Variants in ARHGAP42 observed in about 807,000 individuals in gnomAD.
ARHGAP42 encodes Rho GTPase activating protein 42.
Under a neutral mutation model 125.0 loss-of-function variants are expected in ARHGAP42, and 63 were observed. The observed-to-expected ratio is 0.50, with a 90% CI of 0.41 to 0.62. The LOEUF (loss-of-function observed/expected upper bound fraction) is 0.62. Among genes scored for constraint, ARHGAP42 ranks in the 20% least tolerant of loss-of-function variants. The pLI is 0.00. For synonymous variants in ARHGAP42, 339 were observed against 351.0 expected, an observed-to-expected ratio of 0.97 and a Z score of 0.38; for missense variants, 766 against 1,024.2, an observed-to-expected ratio of 0.75 and a Z score of 3.44.
chr11:100,923,216 C>A (rs986105521), intron 6 of ARHGAP42, among the ~76,000 whole-genome samples: 12 of 152,184 alleles, frequency 7.9e-5, no homozygotes, highest in African/African-American at 2.7e-4. Flanking sequence ...AGCCTCGCTT[C>A]TTGCTAGCAA....
intron 3 of ARHGAP42, among the ~76,000 whole-genome samples, chr11:100,804,620 A>G (rs1863946374): frequency 6.6e-6 from 1 of 151,224 alleles, no homozygotes; most frequent in African/African-American, 2.4e-5. Flanking sequence ...TCTAGGCTCA[A>G]TGCAACCTCA....
intron 1 of ARHGAP42, among the ~76,000 whole-genome samples, chr11:100,725,892 G>A (rs1275910940): frequency 7.1e-6 from 1 of 141,512 alleles, no homozygotes; most frequent in Non-Finnish European, 1.5e-5. Flanking sequence ...CCGAGATCGC[G>A]CCACTGATCT....
chr11:100,738,915 C>T (rs1220781790), intron 1 of ARHGAP42, among the ~76,000 whole-genome samples: 2 of 152,176 alleles, frequency 1.3e-5, no homozygotes, highest in African/African-American at 4.8e-5. Context: ...AGCATTCAAG[C>T]ACAGAAGCAA....
chr11:100,725,511 G>C (rs541896384), intron 1 of ARHGAP42, among the ~76,000 whole-genome samples: 3 of 151,908 alleles, frequency 2.0e-5, no homozygotes, highest in Non-Finnish European at 4.4e-5. Context: ...TAAGAATTAC[G>C]GCTAGGCATG....
At chr11:100,891,898 C>G (rs984423323) in intron 4 of ARHGAP42, among the ~76,000 whole-genome samples, 1 of 152,128 alleles carries the variant, frequency 6.6e-6, no homozygotes, top group African/African-American at 2.4e-5. Context: ...AAAGATGATA[C>G]TTGAGGCAGG....
intron 2 of ARHGAP42, among the ~76,000 whole-genome samples, chr11:100,792,590 C>G (rs1863590514): frequency 6.6e-6 from 1 of 152,180 alleles, no homozygotes; most frequent in African/African-American, 2.4e-5. Flanking sequence ...TGCCTTTCTC[C>G]TGTTCTCTCG....
At chr11:100,977,093 G>A in intron 21 of ARHGAP42, 122 bp downstream of exon 21, 1 of 1,150,776 alleles carries the variant, frequency 8.7e-7, no homozygotes, top group Non-Finnish European at 1.2e-6. Context: ...TCTGTAGAGT[G>A]GGTACAGTCC....
chr11:100,843,459 C>A (rs1739407542), intron 3 of ARHGAP42, among the ~76,000 whole-genome samples: 2 of 152,028 alleles, frequency 1.3e-5, no homozygotes, highest in African/African-American at 2.4e-5. Context: ...CCAGAGCAAT[C>A]ATTCAAGAGA....
rs1450120054 is a variant in ARHGAP42, at chr11:100,988,824, T to A, written c.*23T>A. The A allele has an allele frequency of 6.8e-7, 1 of 1,468,654 alleles. No individual in the cohort carries two copies. Among genetic ancestry groups the A allele is most frequent in the East Asian group, 2.5e-5 (1 of 40,434 alleles). The allele number at this position is 1,468,654 out of a possible 1,614,324, so 91.0% of individuals were successfully genotyped here. A position where few individuals can be genotyped will look rare whatever the true frequency, so the allele number is the denominator to read the frequency against. On this transcript the variant is annotated 3_prime_UTR_variant, in exon 24 of 24. Transcript: ENST00000298815. ...TAATACTATTTAGTGGATGGCAGTA[T>A]CTTCATGGTATCCATGGTAACGAAT...
intron 3 of ARHGAP42, among the ~76,000 whole-genome samples, chr11:100,799,365 C>T (rs11224459): frequency 0.16 from 24,699 of 152,140 alleles, 2,147 homozygotes; most frequent in Middle Eastern, 0.22. Context: ...GGGAGACTGA[C>T]GTTTTCTGGT....
intron 3 of ARHGAP42, among the ~76,000 whole-genome samples, chr11:100,836,026 A>G (rs1864779567): frequency 6.6e-6 from 1 of 152,072 alleles, no homozygotes; most frequent in African/African-American, 2.4e-5. Flanking sequence ...CAAAATCAAG[A>G]CAAAAATAGC....
intron 1 of ARHGAP42, among the ~76,000 whole-genome samples, chr11:100,688,459 G>C (rs924199652): frequency 6.6e-6 from 1 of 152,152 alleles, no homozygotes; most frequent in Non-Finnish European, 1.5e-5. Context: ...TGAAAGTTAA[G>C]GGGTTAAAGG....
intron 1 of ARHGAP42, among the ~76,000 whole-genome samples, chr11:100,691,412 T>C (rs1170544508): frequency 6.6e-6 from 1 of 152,202 alleles, no homozygotes; most frequent in Non-Finnish European, 1.5e-5. Flanking sequence ...CAAAGAGTCA[T>C]CTTTAAGTAA....
chr11:100,887,586 A>G, intron 4 of ARHGAP42, among the ~76,000 whole-genome samples: 1 of 152,224 alleles, frequency 6.6e-6, no homozygotes, highest in African/African-American at 2.4e-5. Context: ...CATTCATCTG[A>G]CCAAGATGTG....
At chr11:100,704,450 G>T (rs772618195) in intron 1 of ARHGAP42, among the ~76,000 whole-genome samples, 46 of 152,194 alleles carry the variant, frequency 3.0e-4, no homozygotes, top group Non-Finnish European at 3.2e-4. Flanking sequence ...GTGCGTGAGA[G>T]TGATGGCATC....
At chr11:100,962,366 A>G (rs1857977587) in intron 15 of ARHGAP42, 43 bp from the exon 16 acceptor site, 2 of 1,478,710 alleles carry the variant, frequency 1.4e-6, no homozygotes, top group South Asian at 1.2e-5. Context: ...GGGAGAATAA[A>G]AGATTCTACT....
intron 1 of ARHGAP42, among the ~76,000 whole-genome samples, chr11:100,717,677 G>A (rs1198242836): frequency 5.4e-5 from 8 of 147,142 alleles, no homozygotes; most frequent in African/African-American, 2.0e-4. Flanking sequence ...TATAATTCCA[G>A]CACTTTGGGA....
chr11:100,793,942 C>A (rs1863638089), intron 2 of ARHGAP42, among the ~76,000 whole-genome samples: 1 of 151,502 alleles, frequency 6.6e-6, no homozygotes, highest in African/African-American at 2.4e-5. Flanking sequence ...CAAAATTAGC[C>A]AGGTGTGGTA....
Position 100,754,618 on chromosome 11 carries a change from A to G in ARHGAP42, c.155-15725A>G, listed in dbSNP as rs1440347845. Among the ~76,000 whole-genome samples, 7 of 152,354 alleles carry G rather than the reference A, an allele frequency of 4.6e-5. No individual in the cohort carries two copies. The East Asian group carries it at 1.2e-3, about 25-fold the overall frequency. ...AAGTAGAAAACATTAATTTCTTTATAGATGTATTTTTAAAAAGAATGCTGT... is the reference window on the plus strand; with the variant it reads ...AAGTAGAAAACATTAATTTCTTTATGGATGTATTTTTAAAAAGAATGCTGT... On this transcript the variant is annotated intron_variant, in intron 1 of 23. Coordinates refer to ENST00000298815, the MANE Select transcript of ARHGAP42 (RefSeq NM_152432.4).
Sources: gnomAD v4.1 joint callset for allele counts (sites outside exome capture counted in the v4.1 genomes callset) on GRCh38, gnomAD v4.1.1 for gene constraint, MANE v1.5 for transcripts, NCBI Gene and HGNC (gene_info 2026-07-23, HGNC 2026-07-21) for gene names.